CAMTA1: variants seen among roughly 807,000 people sequenced by gnomAD.
The protein encoded by CAMTA1 is calmodulin-binding transcription activator 1.
A neutral mutation model predicts 170.9 loss-of-function variants in CAMTA1; 27 were observed. The observed-to-expected ratio is 0.16, with a 90% CI of 0.12 to 0.22. The LOEUF is 0.22. Ranked by LOEUF, CAMTA1 falls within the 10% of genes least tolerant of loss-of-function variation. The pLI, the probability that CAMTA1 is intolerant of heterozygous loss-of-function variation, is 1.00. For synonymous variants in CAMTA1, 833 were observed against 891.5 expected (o/e 0.93, Z 1.17); for missense variants, 1,619 against 2,217.2 (o/e 0.73, Z 5.42).
intron 2 of CAMTA1, among the ~76,000 whole-genome samples, chr1:6,821,042 A>G (rs1646430500): frequency 1.3e-5 from 2 of 152,212 alleles, no homozygotes; most frequent in African/African-American, 2.4e-5. Context: ...ATTTTGTAAT[A>G]TGATCAACAG....
chr1:7,032,883 T>G (rs1396247276), intron 3 of CAMTA1, among the ~76,000 whole-genome samples: 4 of 152,336 alleles, frequency 2.6e-5, no homozygotes, highest in Middle Eastern at 3.4e-3. Flanking sequence ...TCTCTATGTC[T>G]TCTGGCTTGC....
intron 3 of CAMTA1, among the ~76,000 whole-genome samples, chr1:6,885,801 C>T (rs1673044361): frequency 6.6e-6 from 1 of 152,144 alleles, no homozygotes; most frequent in Non-Finnish European, 1.5e-5. Context: ...GCTGCCTCCC[C>T]TCCTCCTCCC....
intron 5 of CAMTA1, among the ~76,000 whole-genome samples, chr1:7,350,538 C>G (rs1263435740): frequency 6.6e-6 from 1 of 152,216 alleles, no homozygotes; most frequent in African/African-American, 2.4e-5. Context: ...GCCGTGTGGC[C>G]TTTGAAAAGC....
In CAMTA1 at chr1:7,463,979, AAAAT is replaced by A. The variant is rs763170136; in HGVS notation, c.439-3836_439-3833del. 7.3e-4 allele frequency among the ~76,000 whole-genome samples: 111 copies of A among 152,304 alleles called. 1 individual carries two copies. Among genetic ancestry groups the A allele is most frequent in the African/African-American group, 2.3e-3 (94 of 41,566 alleles). ...GTAATTTCATCTTTACTTTTTTATA[AAAAT>A]AAATAAATAAATAAGCCCTATAGTG... is the stretch of plus-strand genomic sequence containing the variant. On this transcript the variant is annotated intron_variant, in intron 5 of 22. Transcript: ENST00000303635. This position sits in a 1 kb window ranked among gnomAD's most constrained non-coding sequence, Gnocchi z 4.7.
chr1:7,273,747 A>AAAATATGTT (rs1670183776), intron 5 of CAMTA1, among the ~76,000 whole-genome samples: 1 of 152,216 alleles, frequency 6.6e-6, no homozygotes, highest in Non-Finnish European at 1.5e-5. Context: ...TTATAGCTCA[A>AAAATATGTT]AAATATGTTT....
chr1:7,434,907 C>A (rs1206518245), intron 5 of CAMTA1, among the ~76,000 whole-genome samples: 1 of 151,760 alleles, frequency 6.6e-6, no homozygotes, highest in East Asian at 1.9e-4. Context: ...CAGAAATTAG[C>A]CAAGCATGGT....
chr1:7,083,952 G>T, intron 3 of CAMTA1, among the ~76,000 whole-genome samples: 1 of 150,956 alleles, frequency 6.6e-6, no homozygotes, highest in East Asian at 1.9e-4. Context: ...GCTGCTAGGG[G>T]AGCCTTGGCT....
intron 4 of CAMTA1, among the ~76,000 whole-genome samples, chr1:7,186,634 A>G (rs921816830): frequency 1.3e-5 from 2 of 151,932 alleles, no homozygotes; most frequent in Non-Finnish European, 2.9e-5. Context: ...TTCAAGTTTC[A>G]TTTTGCCGGG....
At chr1:7,704,664 C>G (rs1270041874) in intron 11 of CAMTA1, among the ~76,000 whole-genome samples, 3 of 148,338 alleles carry the variant, frequency 2.0e-5, no homozygotes, top group African/African-American at 7.3e-5. Context: ...GGGGTCTGGT[C>G]CGGTGAGCTC....
rs564881929 is a variant in CAMTA1 at position 7,269,331 on chromosome 1, G to A, written c.438+19705G>A. 5.2e-4 allele frequency among the ~76,000 whole-genome samples: 79 copies of A among 152,370 alleles called. 2 individuals are homozygous for A. In the South Asian group the frequency reaches 8.1e-3, roughly 16 times the overall value. On this transcript the variant is annotated intron_variant, in intron 5 of 22. Transcript: ENST00000303635. ...GCCACCTTTGTTACCTTGCTATATG[G>A]ACCTCCAATATGGCAGGTTGCTTCA...
chr1:7,412,939 G>A (rs948878564), intron 5 of CAMTA1, among the ~76,000 whole-genome samples: 1 of 152,152 alleles, frequency 6.6e-6, no homozygotes, highest in Non-Finnish European at 1.5e-5. Context: ...TGTTTAAGGT[G>A]TAAGGAAGGG....
intron 5 of CAMTA1, among the ~76,000 whole-genome samples, chr1:7,448,137 C>T (rs912253326): frequency 9.9e-5 from 15 of 152,204 alleles, no homozygotes; most frequent in African/African-American, 3.4e-4. Flanking sequence ...GCCCAGTCCC[C>T]GCACCTCCCT....
chr1:7,269,763 T>C (rs558618787), intron 5 of CAMTA1, among the ~76,000 whole-genome samples: 3 of 152,226 alleles, frequency 2.0e-5, no homozygotes, highest in East Asian at 1.9e-4. Context: ...AGACATATAA[T>C]TGGAGGCCCA....
At chr1:7,328,892 A>G (rs1430275443) in intron 5 of CAMTA1, among the ~76,000 whole-genome samples, 2 of 152,074 alleles carry the variant, frequency 1.3e-5, no homozygotes, top group African/African-American at 4.8e-5. Context: ...AACTAATTTT[A>G]TATTATGTTT....
intron 7 of CAMTA1, among the ~76,000 whole-genome samples, chr1:7,653,429 A>G (rs1239701361): frequency 6.6e-6 from 1 of 151,888 alleles, no homozygotes; most frequent in Non-Finnish European, 1.5e-5. Context: ...CACCAGACTA[A>G]TGTTTTTATT....
At chr1:7,188,254 T>C (rs1335999204) in intron 4 of CAMTA1, among the ~76,000 whole-genome samples, 1 of 152,126 alleles carries the variant, frequency 6.6e-6, no homozygotes, top group Admixed American at 6.5e-5. Context: ...ACAGAAAGCC[T>C]AACCATATCA....
intron 3 of CAMTA1, among the ~76,000 whole-genome samples, chr1:6,914,400 C>T (rs965610226): frequency 2.0e-5 from 3 of 152,190 alleles, no homozygotes. Context: ...CCACACCTGG[C>T]CATCTCTGAC....
In CAMTA1 at chr1:6,802,098, A is replaced by G. The variant is rs773875056; in HGVS notation, c.45+16523A>G. 2.0e-5 allele frequency among the ~76,000 whole-genome samples: 3 copies of G among 152,222 alleles called. No individual in the cohort carries two copies. In the East Asian group the frequency reaches 5.8e-4, roughly 29 times the overall value. ...AAAGCAGTTTTAGTCTAAGAAGAGC[A>G]GAAGCAATCGTAGCCTCTCGGGACA... is the stretch of plus-strand genomic sequence containing the variant. On this transcript the variant is annotated intron_variant, in intron 1 of 22. Transcript: ENST00000303635.
intron 5 of CAMTA1, among the ~76,000 whole-genome samples, chr1:7,284,904 A>G (rs541837149): frequency 6.6e-6 from 1 of 152,150 alleles, no homozygotes; most frequent in South Asian, 2.1e-4. Context: ...AATCCACAGA[A>G]CTCGTGCAAG....
Sources: gnomAD v4.1 joint callset for allele counts (sites outside exome capture counted in the v4.1 genomes callset) on GRCh38, gnomAD v4.1.1 for gene constraint, Gnocchi (gnomAD v3.1) non-coding constraint, MANE v1.5 for transcripts, NCBI Gene and HGNC (gene_info 2026-07-23, HGNC 2026-07-21) for gene names.